CDK14: variants seen among roughly 807,000 people sequenced by gnomAD.
The protein encoded by CDK14 is cyclin dependent kinase 14.
A neutral mutation model predicts 60.7 loss-of-function variants in CDK14; 34 were observed. The observed-to-expected ratio is 0.56, with a 90% CI of 0.43 to 0.75. The LOEUF (loss-of-function observed/expected upper bound fraction) is 0.75. CDK14 is among the 30% of genes least tolerant of loss of function. The pLI, the probability that CDK14 is intolerant of heterozygous loss-of-function variation, is 0.00. For missense variants in CDK14, 482 were observed against 564.1 expected, an observed-to-expected ratio of 0.85 and a Z score of 1.47; for synonymous variants, 197 against 203.7, an observed-to-expected ratio of 0.97 and a Z score of 0.28.
At chr7:91,091,339 A>G (rs1295670243) in intron 12 of CDK14, among the ~76,000 whole-genome samples, 1 of 145,082 alleles carries the variant, frequency 6.9e-6, no homozygotes, top group Non-Finnish European at 1.5e-5. Context: ...ATGTGTATAC[A>G]TATATGTGTA....
intron 14 of CDK14, among the ~76,000 whole-genome samples, chr7:91,146,682 A>G (rs1257650725): frequency 6.6e-6 from 1 of 152,226 alleles, no homozygotes; most frequent in Non-Finnish European, 1.5e-5. Context: ...CAGTTATTTG[A>G]CACAGCAAAG....
chr7:90,901,635 A>G (rs1270441660), intron 7 of CDK14, among the ~76,000 whole-genome samples: 3 of 151,486 alleles, frequency 2.0e-5, no homozygotes, highest in African/African-American at 7.3e-5. Flanking sequence ...AGAGGTCTTC[A>G]CTTTATTCTG....
chr7:90,640,453 T>TA (rs1488651069), intron 2 of CDK14, among the ~76,000 whole-genome samples: 1 of 152,128 alleles, frequency 6.6e-6, no homozygotes, highest in Non-Finnish European at 1.5e-5. Flanking sequence ...GATGGAGTAT[T>TA]TGTAAGTCGG....
chr7:91,166,618 A>G (rs913845459), intron 14 of CDK14, among the ~76,000 whole-genome samples: 1 of 152,224 alleles, frequency 6.6e-6, no homozygotes, highest in African/African-American at 2.4e-5. Context: ...TTCATAAGAT[A>G]CTGATAGAGT....
chr7:91,017,785 G>A lies in CDK14; in HGVS notation c.1042-28112G>A, dbSNP rs924132208. ...TGTTCTGATATTGCTTTTGTTCTCT[G>A]AGTAGGTGAATCTGTGCACAGAGAT... On this transcript the variant is annotated intron_variant, in intron 10 of 14. Transcript: ENST00000380050. Among the ~76,000 whole-genome samples the A allele has an allele frequency of 9.3e-4, 142 of 152,166 alleles. 13 individuals are homozygous for A. The highest frequency in any genetic ancestry group is 5.9e-5 in the Non-Finnish European group (4 of 68,034).
chr7:90,717,732 A>G (rs1394070445), intron 2 of CDK14, among the ~76,000 whole-genome samples: 1 of 152,082 alleles, frequency 6.6e-6, no homozygotes, highest in Non-Finnish European at 1.5e-5. Context: ...TTAGTGGCCT[A>G]TTTTTAGTTA....
intron 5 of CDK14, among the ~76,000 whole-genome samples, chr7:90,799,069 G>A (rs568436661): frequency 6.6e-6 from 1 of 152,174 alleles, no homozygotes; most frequent in East Asian, 1.9e-4. Context: ...GTTTTTTGTT[G>A]TCTTAAGATT....
intron 5 of CDK14, among the ~76,000 whole-genome samples, chr7:90,826,850 T>G (rs1584017472): frequency 6.6e-6 from 1 of 152,148 alleles, no homozygotes; most frequent in Non-Finnish European, 1.5e-5. Flanking sequence ...TCATTACAAT[T>G]CAATTGATAC....
chr7:90,997,258 TTGTG>T (rs1795713081), intron 10 of CDK14, among the ~76,000 whole-genome samples: 1 of 152,184 alleles, frequency 6.6e-6, no homozygotes, highest in African/African-American at 2.4e-5. Flanking sequence ...AAGGACTACT[TTGTG>T]TGGAGCAAAC....
intron 3 of CDK14, among the ~76,000 whole-genome samples, chr7:90,738,526 G>A (rs1323877786): frequency 3.3e-5 from 5 of 152,058 alleles, no homozygotes; most frequent in African/African-American, 4.8e-5. Context: ...GATAATTGAC[G>A]GTTCTCTATA....
At chr7:91,104,734 A>AAT (rs1402869302) in intron 12 of CDK14, among the ~76,000 whole-genome samples, 1 of 152,192 alleles carries the variant, frequency 6.6e-6, no homozygotes, top group African/African-American at 2.4e-5. Context: ...TGGATGATGC[A>AAT]TTTGAGATTC....
chr7:90,859,688 G>A (rs961262511), intron 5 of CDK14, among the ~76,000 whole-genome samples: 1 of 151,990 alleles, frequency 6.6e-6, no homozygotes, highest in Admixed American at 6.6e-5. Flanking sequence ...TCCCCAACCA[G>A]TGTGATACAT....
intron 2 of CDK14, among the ~76,000 whole-genome samples, chr7:90,653,634 T>C (rs1800693765): frequency 2.0e-5 from 3 of 152,230 alleles, no homozygotes; most frequent in Admixed American, 1.3e-4. Context: ...GATTTCCTGC[T>C]GAGGCAGATT....
chr7:90,957,097 C>G (rs1297189382), intron 9 of CDK14, among the ~76,000 whole-genome samples: 1 of 150,058 alleles, frequency 6.7e-6, no homozygotes, highest in Non-Finnish European at 1.5e-5. Context: ...GTCTTTATAG[C>G]AGCATGATTT....
At chr7:91,109,486 A>G (rs1282542450) in intron 12 of CDK14, among the ~76,000 whole-genome samples, 2 of 152,166 alleles carry the variant, frequency 1.3e-5, no homozygotes, top group Non-Finnish European at 1.5e-5. Context: ...TAGAAGTTAT[A>G]CTTCTAAAAT....
chr7:91,141,636 G>C (rs1759002716), intron 14 of CDK14, among the ~76,000 whole-genome samples: 1 of 152,098 alleles, frequency 6.6e-6, no homozygotes, highest in South Asian at 2.1e-4. Context: ...TAAGTTACAG[G>C]TGCATCTCGG....
chr7:90,839,561 C>T (rs1790221504), intron 5 of CDK14, among the ~76,000 whole-genome samples: 1 of 152,156 alleles, frequency 6.6e-6, no homozygotes, highest in African/African-American at 2.4e-5. Flanking sequence ...CAATGTGTCT[C>T]TCAAGATTTA....
intron 10 of CDK14, among the ~76,000 whole-genome samples, chr7:91,000,194 T>C (rs1795800807): frequency 6.6e-6 from 1 of 152,214 alleles, no homozygotes; most frequent in African/African-American, 2.4e-5. Flanking sequence ...TACCATCCCC[T>C]GTAGGCCTGC....
Position 90,762,196 on chromosome 7 carries a change from G to A in CDK14, c.464+14421G>A, listed in dbSNP as rs78048231. On this transcript the variant is annotated intron_variant, in intron 4 of 14. Transcript: ENST00000380050. ...GCAGGTAAAGAGCAGGCACAAGAGT[G>A]TTTCATGCCAGGCCCTGAGGTGAGA... Among the ~76,000 whole-genome samples, 982 of 152,266 alleles carry A rather than the reference G, an allele frequency of 6.4e-3. 16 individuals carry two copies. The highest frequency in any genetic ancestry group is 0.022 in the African/African-American group (926 of 41,556).
Sources: allele counts gnomAD v4.1 joint callset (sites outside exome capture counted in the v4.1 genomes callset), GRCh38; gene constraint gnomAD v4.1.1; transcripts MANE v1.5; gene names NCBI Gene and HGNC (gene_info 2026-07-23, HGNC 2026-07-21).